Variants in COPS7B observed in about 807,000 individuals in gnomAD.
The protein encoded by COPS7B is COP9 signalosome complex subunit 7b.
A neutral mutation model predicts 33.4 loss-of-function variants in COPS7B; 9 were observed. The observed-to-expected ratio is 0.27, with a 90% CI of 0.16 to 0.47. The LOEUF is 0.47. Ranked by LOEUF, COPS7B falls within the 20% of genes least tolerant of loss-of-function variation. The pLI is 0.99. For synonymous variants in COPS7B, 119 were observed against 126.3 expected (o/e 0.94, Z 0.39); for missense variants, 242 against 318.2 (o/e 0.76, Z 1.82).
upstream of COPS7B, chr2:231,786,388 TG>T: frequency 1.1e-6 from 1 of 946,726 alleles, no homozygotes; most frequent in African/African-American, 1.8e-5. Flanking sequence ...AGTGCAGCGG[TG>T]GGAGGCTTCC....
At chr2:231,786,715 C>T (rs558375415) in intron 1 of COPS7B, among the ~76,000 whole-genome samples, 177 bp downstream of exon 1, 105 of 152,234 alleles carry the variant, frequency 6.9e-4, no homozygotes, top group African/African-American at 2.4e-3. Flanking sequence ...GAGCATACCG[C>T]CCACCGTGAG....
rs975359353 is a variant in COPS7B, at chr2:231,807,717, C to T, written c.*72C>T. 2.5e-5 allele frequency: 34 copies of T among 1,370,624 alleles called. No homozygotes were observed. The highest frequency in any genetic ancestry group is 3.1e-5 in the Non-Finnish European group (32 of 1,017,706). The allele number at this position is 1,370,624 out of a possible 1,614,324, so 84.9% of individuals were successfully genotyped here. A position where few individuals can be genotyped will look rare whatever the true frequency, so the allele number is the denominator to read the frequency against. On this transcript the variant is annotated 3_prime_UTR_variant, in exon 7 of 7. Transcript: ENST00000350033. ...AGGGGACACCAAGGGCCCATTTCCT[C>T]CCCTCTCTACCTGCAGTGAGTTCCA... is the stretch of plus-strand genomic sequence containing the variant.
intron 1 of COPS7B, among the ~76,000 whole-genome samples, chr2:231,787,462 A>T (rs1434890760): frequency 6.6e-6 from 1 of 152,176 alleles, no homozygotes; most frequent in African/African-American, 2.4e-5. Flanking sequence ...CTGTACACTC[A>T]GCGTGTAATT....
rs774430709 is a variant in COPS7B, at chr2:231,794,283, G to T, written c.259G>T (p.Glu87Ter). 1 of 1,614,060 alleles carries T rather than the reference G, an allele frequency of 6.2e-7. No individual in the cohort carries two copies. Among genetic ancestry groups the T allele is most frequent in the Non-Finnish European group, 8.5e-7 (1 of 1,179,970 alleles). Residue 87 changes from glutamate (E) to a stop codon, truncating the protein, a stop_gained, in exon 4 of 7, where the codon GAA (glutamate) becomes TAA (stop). Coordinates refer to ENST00000350033, the MANE Select transcript of COPS7B (RefSeq NM_022730.4). LOFTEE classifies it high-confidence loss of function. Reference sequence around the variant, plus strand: ...AGCAGCCAACAAGGAGAGCCTGCCAGAACTGAGCACAGCTCAGCAGAACAA... The same window carrying T: ...AGCAGCCAACAAGGAGAGCCTGCCATAACTGAGCACAGCTCAGCAGAACAA... ...DYIANKESLP[E>*]LSTAQQNKLK... is the part of the protein sequence containing the mutation.
At chr2:231,786,404 G>C, upstream of COPS7B, 1 of 978,198 alleles carries the variant, frequency 1.0e-6, no homozygotes, top group Non-Finnish European at 1.2e-6. Flanking sequence ...GCTTCCGGGG[G>C]AGCTGCACGG....
intron 6 of COPS7B, among the ~76,000 whole-genome samples, chr2:231,802,996 A>G (rs946072112): frequency 6.6e-6 from 1 of 152,270 alleles, no homozygotes; most frequent in Non-Finnish European, 1.5e-5. Flanking sequence ...CACTTGCCCA[A>G]GAAGCCCTCT....
chr2:231,782,125 G>A (rs923833069), upstream of COPS7B, among the ~76,000 whole-genome samples: 1 of 152,192 alleles, frequency 6.6e-6, no homozygotes. Context: ...GCCCAGAGAG[G>A]CGAAGGGATT....
At chr2:231,806,563 A>G (rs2049899787) in intron 6 of COPS7B, among the ~76,000 whole-genome samples, 1 of 151,834 alleles carries the variant, frequency 6.6e-6, no homozygotes, top group Non-Finnish European at 1.5e-5. Flanking sequence ...CAAAAAAAAA[A>G]AAAAAAAAGA....
At chr2:231,785,541 TAA>T (rs2049220114), upstream of COPS7B, among the ~76,000 whole-genome samples, 1 of 152,160 alleles carries the variant, frequency 6.6e-6, no homozygotes, top group Non-Finnish European at 1.5e-5. Context: ...CTTTTGAGGG[TAA>T]GAGCTTTGTT....
At position 231,798,893 on chromosome 2, in the gene COPS7B, G is replaced by C. The variant is rs1327867162; in HGVS notation, c.565G>C (p.Glu189Gln). 1 of 1,614,030 alleles carries C rather than the reference G, an allele frequency of 6.2e-7. No individual in the cohort carries two copies. The highest frequency in any genetic ancestry group is 1.3e-5 in the African/African-American group (1 of 74,900). The change falls in exon 6 of 7, where the codon GAG becomes CAG. Residue 189 changes from glutamate (E) to glutamine (Q), a missense_variant. Physicochemically the swap from Glu to Gln is conservative, Grantham distance 29. Transcript: ENST00000350033. ...CTGTGAAGCAGTTCTACTGGGCATCGAGCAGCAAGTTCTGAGAGCCAACCA... is the reference window on the plus strand; with the variant it reads ...CTGTGAAGCAGTTCTACTGGGCATCCAGCAGCAAGTTCTGAGAGCCAACCA... Reference protein sequence around the residue: ...DGCEAVLLGIEQQVLRANQYK... With the variant: ...DGCEAVLLGIQQQVLRANQYK...
rs1402256156 is a variant in COPS7B, at chr2:231,808,082, A to G, written c.*437A>G. 3 of 207,058 alleles carry G rather than the reference A, an allele frequency of 1.4e-5. No individual in the cohort carries two copies. The highest frequency in any genetic ancestry group is 2.9e-5 in the Non-Finnish European group (3 of 102,338). The allele number at this position is 207,058 out of a possible 1,614,324, so 12.8% of individuals were successfully genotyped here. A position where few individuals can be genotyped will look rare whatever the true frequency, so the allele number is the denominator to read the frequency against. Reference sequence around the variant, plus strand: ...GGGGCACTCCTCTCCAGCCCCTGGTACCACAGTCCTCACGATGGTGCAGTG... The same window carrying G: ...GGGGCACTCCTCTCCAGCCCCTGGTGCCACAGTCCTCACGATGGTGCAGTG... On this transcript the variant is annotated 3_prime_UTR_variant, in exon 7 of 7. Coordinates refer to ENST00000350033, the MANE Select transcript of COPS7B (RefSeq NM_022730.4).
chr2:231,791,488 G>A (rs961139512), intron 2 of COPS7B: 7 of 500,028 alleles, frequency 1.4e-5, no homozygotes, highest in East Asian at 1.0e-4. Flanking sequence ...AAAGCAGTTC[G>A]TTGGGCATGC....
upstream of COPS7B, among the ~76,000 whole-genome samples, chr2:231,783,863 A>G (rs59159399): frequency 0.063 from 9,603 of 152,218 alleles, 939 homozygotes; most frequent in African/African-American, 0.21. Flanking sequence ...CTGCCTCGCA[A>G]GTAGCTATAG....
chr2:231,793,671 T>A (rs926847262), intron 3 of COPS7B: 1 of 152,288 alleles, frequency 6.6e-6, no homozygotes, highest in African/African-American at 2.4e-5. Context: ...TCTCTTTCCC[T>A]CTCCCCTCCC....
chr2:231,796,140 A>C lies in COPS7B; in HGVS notation c.362A>C (p.Glu121Ala). The C allele has an allele frequency of 6.2e-7, 1 of 1,614,074 alleles. No homozygotes were observed. Among genetic ancestry groups the C allele is most frequent in the Non-Finnish European group, 8.5e-7 (1 of 1,179,964 alleles). Residue 121 changes from glutamate (E) to alanine (A), a missense_variant, in exon 5 of 7, where the codon GAG becomes GCG. Transcript: ENST00000350033. ...IPYSVLLKDL[E>A]MRNLRELEDL... ...TACTCCGTGTTGCTGAAAGACCTGG[A>C]GATGCGGAATCTCCGGGAACTAGAA...
Position 231,796,145 on chromosome 2 carries a change from C to A in COPS7B, c.367C>A (p.Arg123=), listed in dbSNP as rs1278307651. 5.0e-6 allele frequency: 8 copies of A among 1,614,058 alleles called. No individual in the cohort carries two copies. The highest frequency in any genetic ancestry group is 6.8e-6 in the Non-Finnish European group (8 of 1,179,956). The part of the protein sequence containing the change: ...YSVLLKDLEM[R]NLRELEDLII... ...CGTGTTGCTGAAAGACCTGGAGATGCGGAATCTCCGGGAACTAGAAGACCT... is the reference window on the plus strand; with the variant it reads ...CGTGTTGCTGAAAGACCTGGAGATGAGGAATCTCCGGGAACTAGAAGACCT... Residue 123 remains arginine (R), a synonymous_variant, in exon 5 of 7, where the codon CGG becomes AGG. Coordinates refer to ENST00000350033, the MANE Select transcript of COPS7B (RefSeq NM_022730.4).
chr2:231,782,009 T>C, upstream of COPS7B: 1 of 858,684 alleles, frequency 1.2e-6, no homozygotes, highest in Non-Finnish European at 1.8e-6. Flanking sequence ...TTTTTTGCTG[T>C]ATTCCTGGTT....
upstream of COPS7B, among the ~76,000 whole-genome samples, chr2:231,783,886 T>C (rs1344533415): frequency 6.6e-6 from 1 of 152,142 alleles, no homozygotes. Flanking sequence ...AGACTATAGG[T>C]GTACTCCACT....
chr2:231,808,313 G>A lies in COPS7B; in HGVS notation c.*668G>A. ...TCTGGTATCTGAGCACAGACAGAGG[G>A]TGCTGTGGGTCTGCTGGGTGGCAGA... On this transcript the variant is annotated 3_prime_UTR_variant, in exon 7 of 7. Transcript: ENST00000350033. The A allele has an allele frequency of 4.9e-6, 2 of 410,136 alleles. No homozygotes were observed. The highest frequency in any genetic ancestry group is 1.4e-4 in the East Asian group (2 of 13,916). The allele number at this position is 410,136 out of a possible 1,614,324, so 25.4% of individuals were successfully genotyped here.
Sources: allele counts gnomAD v4.1 joint callset (sites outside exome capture counted in the v4.1 genomes callset), GRCh38; gene constraint gnomAD v4.1.1; transcripts MANE v1.5; gene names NCBI Gene and HGNC (gene_info 2026-07-23, HGNC 2026-07-21).